CNTN5: variants seen among roughly 807,000 people sequenced by gnomAD.
The protein encoded by CNTN5 is contactin 5, also known as contactin-5.
A neutral mutation model predicts 129.1 loss-of-function variants in CNTN5; 77 were observed. The ratio of observed to expected loss-of-function variants is 0.60; its 90% confidence interval spans 0.50 to 0.72. The LOEUF is 0.72. Ranked by LOEUF, CNTN5 falls within the 30% of genes least tolerant of loss-of-function variation. The probability of loss-of-function intolerance (pLI) is 0.00; values close to 1 mark genes in which losing one functional copy is unlikely to be tolerated. For missense variants in CNTN5, 1,478 were observed against 1,328.8 expected, an observed-to-expected ratio of 1.11 and a Z score of -1.75; for synonymous variants, 509 against 465.6, an observed-to-expected ratio of 1.09 and a Z score of -1.20.
At chr11:99,178,129 G>A (rs1233626263) in intron 1 of CNTN5, among the ~76,000 whole-genome samples, 2 of 151,864 alleles carry the variant, frequency 1.3e-5, no homozygotes, top group Admixed American at 1.3e-4. Context: ...CTACAACTAA[G>A]AAATGGTATA....
chr11:100,149,859 A>C (rs985888931), intron 13 of CNTN5, among the ~76,000 whole-genome samples: 3 of 144,702 alleles, frequency 2.1e-5, no homozygotes, highest in African/African-American at 5.2e-5. Flanking sequence ...GTGCCACTGC[A>C]TTCCAGCCTG....
intron 2 of CNTN5, among the ~76,000 whole-genome samples, chr11:99,382,845 C>CATTTTTTTTT (rs1417732458): frequency 1.3e-5 from 1 of 77,032 alleles, no homozygotes; most frequent in Non-Finnish European, 2.1e-5. Flanking sequence ...CTCTAAATAA[C>CATTTTTTTTT]TTTTTTTTTT....
intron 16 of CNTN5, among the ~76,000 whole-genome samples, chr11:100,243,854 C>G (rs1949789767): frequency 6.6e-6 from 1 of 152,052 alleles, no homozygotes; most frequent in South Asian, 2.1e-4. Flanking sequence ...CATCTTCTCA[C>G]CCCTGTACTT....
chr11:100,163,980 C>T (rs1238344251), intron 13 of CNTN5, among the ~76,000 whole-genome samples: 1 of 151,672 alleles, frequency 6.6e-6, no homozygotes, highest in Non-Finnish European at 1.5e-5. Context: ...ATAACTCACC[C>T]AAGGTCAAAA....
chr11:100,030,969 A>G (rs1001762110), intron 9 of CNTN5, among the ~76,000 whole-genome samples: 6 of 152,196 alleles, frequency 3.9e-5, no homozygotes, highest in African/African-American at 7.2e-5. Context: ...AATAACTGCC[A>G]TAAGTCTCCC....
intron 18 of CNTN5, among the ~76,000 whole-genome samples, chr11:100,282,022 C>G (rs1262093666): frequency 7.4e-6 from 1 of 134,288 alleles, no homozygotes. Flanking sequence ...TTTTACTTTC[C>G]TCATAACAGC....
chr11:99,863,857 C>A (rs1270053233), intron 6 of CNTN5, among the ~76,000 whole-genome samples: 1 of 152,246 alleles, frequency 6.6e-6, no homozygotes, highest in South Asian at 2.1e-4. Flanking sequence ...AAATTTGCTT[C>A]TTTGGAAGTT....
intron 14 of CNTN5, among the ~76,000 whole-genome samples, chr11:100,191,694 G>A (rs1043531516): frequency 3.3e-5 from 5 of 151,968 alleles, no homozygotes; most frequent in Non-Finnish European, 7.4e-5. Flanking sequence ...ATAGGACTTC[G>A]CATTAGATAA....
chr11:99,820,177 G>T (rs2135558356), intron 4 of CNTN5, among the ~76,000 whole-genome samples: 1 of 152,228 alleles, frequency 6.6e-6, no homozygotes, highest in East Asian at 1.9e-4. Flanking sequence ...CATCTTTAAA[G>T]GATTTGTATG....
intron 2 of CNTN5, among the ~76,000 whole-genome samples, chr11:99,349,137 A>G (rs1938110905): frequency 6.6e-6 from 1 of 152,216 alleles, no homozygotes; most frequent in African/African-American, 2.4e-5. Context: ...CAGAAACACC[A>G]TCTGAAAAGC....
chr11:99,361,959 AAGC>A (rs747479063), intron 2 of CNTN5, among the ~76,000 whole-genome samples: 7 of 152,086 alleles, frequency 4.6e-5, no homozygotes, highest in Non-Finnish European at 1.0e-4. Flanking sequence ...ATCGTCATAC[AAGC>A]ATCTGTTTGT....
At position 100,091,801 on chromosome 11, in the gene CNTN5, C is replaced by T. The variant is rs1052574315; in HGVS notation, c.1580+17507C>T. Among the ~76,000 whole-genome samples the T allele has an allele frequency of 7.2e-5, 11 of 151,938 alleles. No individual in the cohort carries two copies. In the South Asian group the frequency reaches 1.0e-3, roughly 14 times the overall value. Reference sequence around the variant, plus strand: ...CTTGTTTGCTTTTCATTCAGTGACCCCAGAGCCTAGAATTATCCTTTGTAC... The same window carrying T: ...CTTGTTTGCTTTTCATTCAGTGACCTCAGAGCCTAGAATTATCCTTTGTAC... On this transcript the variant is annotated intron_variant, in intron 13 of 24. Coordinates refer to ENST00000524871, the MANE Select transcript of CNTN5 (RefSeq NM_014361.4).
chr11:99,354,620 C>T (rs1938516490), intron 2 of CNTN5, among the ~76,000 whole-genome samples: 1 of 152,114 alleles, frequency 6.6e-6, no homozygotes, highest in South Asian at 2.1e-4. Flanking sequence ...GTGAATTTTA[C>T]CAGCATAACC....
intron 4 of CNTN5, among the ~76,000 whole-genome samples, chr11:99,821,538 A>AG (rs1946801843): frequency 6.6e-6 from 1 of 152,114 alleles, no homozygotes; most frequent in African/African-American, 2.4e-5. Context: ...TTTTTCTGGA[A>AG]GATCATCATT....
At chr11:99,052,148 G>T (rs1864451593) in intron 1 of CNTN5, among the ~76,000 whole-genome samples, 1 of 151,714 alleles carries the variant, frequency 6.6e-6, no homozygotes, top group Non-Finnish European at 1.5e-5. Context: ...TATATGTAAG[G>T]ATATTGTATG....
rs112620959 is a variant in CNTN5, at chr11:99,961,208, A to G, written c.877+4199A>G. ...CCATAGAGTGAGACTCCGTCTCAGA[A>G]AAAAAAAAAAAAAAAAACAGTAGAA... On this transcript the variant is annotated intron_variant, in intron 8 of 24. Transcript: ENST00000524871. 4.3e-4 allele frequency among the ~76,000 whole-genome samples: 44 copies of G among 101,170 alleles called. 1 individual carries two copies. The highest frequency in any genetic ancestry group is 4.5e-3 in the Middle Eastern group (1 of 224). The allele number at this position is 101,170 out of a possible 152,430, so 66.4% of individuals were successfully genotyped here. A position where few individuals can be genotyped will look rare whatever the true frequency, so the allele number is the denominator to read the frequency against.
chr11:100,090,788 TAATC>T (rs1446876551), intron 13 of CNTN5, among the ~76,000 whole-genome samples: 3 of 151,788 alleles, frequency 2.0e-5, no homozygotes, highest in East Asian at 2.0e-4. Flanking sequence ...TGCTAATCCT[TAATC>T]AATTTTTACC....
At chr11:99,612,940 A>G (rs566351819) in intron 3 of CNTN5, among the ~76,000 whole-genome samples, 2 of 152,274 alleles carry the variant, frequency 1.3e-5, no homozygotes, top group Admixed American at 1.3e-4. Flanking sequence ...GGACCCAGAA[A>G]CAAGAACTGA....
intron 7 of CNTN5, among the ~76,000 whole-genome samples, chr11:99,929,853 C>T (rs373730392): frequency 2.6e-5 from 4 of 152,258 alleles, no homozygotes; most frequent in Middle Eastern, 3.4e-3. Context: ...GTCCTCGATT[C>T]TTGTCCTGTT....
Sources: gnomAD v4.1 joint callset for allele counts (sites outside exome capture counted in the v4.1 genomes callset) on GRCh38, gnomAD v4.1.1 for gene constraint, MANE v1.5 for transcripts, NCBI Gene and HGNC (gene_info 2026-07-23, HGNC 2026-07-21) for gene names.